Variants in TNFSF8 observed in about 807,000 individuals in gnomAD.
The protein encoded by TNFSF8 is TNF superfamily member 8.
A neutral mutation model predicts 22.0 loss-of-function variants in TNFSF8; 4 were observed. That is an observed-to-expected ratio of 0.18 (90% confidence interval 0.09 to 0.42). The LOEUF is 0.42. Ranked by LOEUF, TNFSF8 falls within the 10% of genes least tolerant of loss-of-function variation. TNFSF8 has a pLI of 1.00. For missense variants in TNFSF8, 233 were observed against 281.8 expected (o/e 0.83, Z 1.24); for synonymous variants, 106 against 112.5 (o/e 0.94, Z 0.37).
chr9:114,901,595 G>A lies in TNFSF8; in HGVS notation c.*2336C>T. On this transcript the variant is annotated 3_prime_UTR_variant, in exon 4 of 4. Coordinates refer to ENST00000223795, the MANE Select transcript of TNFSF8 (RefSeq NM_001244.4). ...AGAATGCATGAGTTGGTTTAAGCAAGATTCATTTGTCCTATGCAGTTAGTG... is the reference window on the plus strand; with the variant it reads ...AGAATGCATGAGTTGGTTTAAGCAAAATTCATTTGTCCTATGCAGTTAGTG... The A allele has an allele frequency of 1.0e-6, 1 of 985,324 alleles. No homozygotes were observed. The highest frequency in any genetic ancestry group is 1.2e-6 in the Non-Finnish European group (1 of 829,812). The allele number at this position is 985,324 out of a possible 1,614,324, so 61.0% of individuals were successfully genotyped here.
At chr9:114,894,357 A>G (rs1445247366) in intron 4 of TNFSF8, among the ~76,000 whole-genome samples, 1 of 145,412 alleles carries the variant, frequency 6.9e-6, no homozygotes, top group Non-Finnish European at 1.5e-5. Context: ...ATTTAGCGGA[A>G]TGGTTCTTGA....
intron 2 of TNFSF8, among the ~76,000 whole-genome samples, chr9:114,911,212 T>C (rs1827848437): frequency 6.6e-6 from 1 of 152,206 alleles, no homozygotes; most frequent in Non-Finnish European, 1.5e-5. Context: ...ATTAAGTACC[T>C]AAGTGTTTAA....
intron 2 of TNFSF8, among the ~76,000 whole-genome samples, chr9:114,910,798 G>C (rs886562583): frequency 6.6e-6 from 1 of 152,216 alleles, no homozygotes; most frequent in Non-Finnish European, 1.5e-5. Flanking sequence ...TATGTGGTTT[G>C]AGTGCCAGGT....
intron 3 of TNFSF8, 106 bp from the exon 4 acceptor site, chr9:114,904,431 T>C (rs1386483405): frequency 6.9e-7 from 1 of 1,446,216 alleles, no homozygotes; most frequent in East Asian, 2.3e-5. Context: ...CCATGTTTTC[T>C]GTAATGTTCC....
chr9:114,912,046 G>A (rs1306762237), intron 2 of TNFSF8, among the ~76,000 whole-genome samples: 1 of 152,164 alleles, frequency 6.6e-6, no homozygotes, highest in Non-Finnish European at 1.5e-5. Flanking sequence ...AGTTCGTTTT[G>A]GGTTCAAATC....
chr9:114,923,574 G>A (rs1032427827), intron 1 of TNFSF8, among the ~76,000 whole-genome samples: 8 of 140,214 alleles, frequency 5.7e-5, no homozygotes, highest in African/African-American at 2.2e-4. Context: ...CTGGAGTGCA[G>A]TGGTGCCATC....
chr9:114,905,366 G>A (rs747226630), intron 3 of TNFSF8, among the ~76,000 whole-genome samples: 1 of 152,196 alleles, frequency 6.6e-6, no homozygotes, highest in Non-Finnish European at 1.5e-5. Context: ...GTGCTGACAT[G>A]TTCATTAAGC....
chr9:114,929,504 C>T (rs1828108681), intron 1 of TNFSF8, among the ~76,000 whole-genome samples: 1 of 152,012 alleles, frequency 6.6e-6, no homozygotes. Flanking sequence ...CCTTCTAGAC[C>T]TTGGCCTCTG....
At chr9:114,918,731 G>A (rs764829323) in intron 1 of TNFSF8, among the ~76,000 whole-genome samples, 34 of 152,322 alleles carry the variant, frequency 2.2e-4, no homozygotes, top group Non-Finnish European at 1.2e-4. Flanking sequence ...CTCCAGAGTA[G>A]CTGGGACTAC....
intron 2 of TNFSF8, among the ~76,000 whole-genome samples, chr9:114,909,975 G>A (rs1403509879): frequency 1.3e-5 from 2 of 152,230 alleles, no homozygotes; most frequent in African/African-American, 4.8e-5. Context: ...AGGTCATCCA[G>A]AGAGTTAGTG....
intron 2 of TNFSF8, among the ~76,000 whole-genome samples, chr9:114,912,678 A>G (rs1827866982): frequency 1.3e-5 from 2 of 152,140 alleles, no homozygotes; most frequent in South Asian, 4.1e-4. Context: ...GACTGCTTCC[A>G]GTGTGGTGTT....
chr9:114,909,712 C>T lies in TNFSF8; in HGVS notation c.239-3813G>A, dbSNP rs577392063. Among the ~76,000 whole-genome samples, 23 of 152,310 alleles carry T rather than the reference C, an allele frequency of 1.5e-4. 1 individual carries two copies. In the South Asian group the frequency reaches 2.5e-3, roughly 16 times the overall value. On this transcript the variant is annotated intron_variant, in intron 2 of 3. Transcript: ENST00000223795. ...GATGGGGAGTCGGTCCCAGCTGCACCTGTCTATCTTTATGGGCATGTTGCA... is the reference window on the plus strand; with the variant it reads ...GATGGGGAGTCGGTCCCAGCTGCACTTGTCTATCTTTATGGGCATGTTGCA...
chr9:114,900,568 G>A (rs2131339293), downstream of TNFSF8, among the ~76,000 whole-genome samples: 1 of 152,244 alleles, frequency 6.6e-6, no homozygotes, highest in South Asian at 2.1e-4. Context: ...CCCCACATTT[G>A]GAGGTTTCCT....
At position 114,919,020 on chromosome 9, in the gene TNFSF8, G is replaced by GTT. The variant is rs11372040; in HGVS notation, c.196-884_196-883dup. Among the ~76,000 whole-genome samples the GTT allele has an allele frequency of 2.8e-3, 400 of 144,208 alleles. 3 individuals carry two copies. Among genetic ancestry groups the GTT allele is most frequent in the African/African-American group, 9.3e-3 (369 of 39,496 alleles). The allele number at this position is 144,208 out of a possible 152,430, so 94.6% of individuals were successfully genotyped here. On this transcript the variant is annotated intron_variant, in intron 1 of 3. Coordinates refer to ENST00000223795, the MANE Select transcript of TNFSF8 (RefSeq NM_001244.4). ...TCAAGTATATCATAAAAGTAGATGTGTTTTTTTTTTTTCCATGTTTGATTC... is the reference window on the plus strand; with the variant it reads ...TCAAGTATATCATAAAAGTAGATGTGTTTTTTTTTTTTTTCCATGTTTGATTC...
intron 2 of TNFSF8, among the ~76,000 whole-genome samples, chr9:114,916,734 A>G (rs919162350): frequency 4.6e-5 from 7 of 152,222 alleles, no homozygotes; most frequent in African/African-American, 1.4e-4. Context: ...ATGGAAATGC[A>G]ACCGTGGTTA....
chr9:114,906,656 C>T (rs916749766), intron 2 of TNFSF8, among the ~76,000 whole-genome samples: 1 of 152,124 alleles, frequency 6.6e-6, no homozygotes, highest in Admixed American at 6.6e-5. Context: ...AACAGAAGTC[C>T]TGCTATTTGG....
chr9:114,915,791 G>A (rs905133855), intron 2 of TNFSF8, among the ~76,000 whole-genome samples: 6 of 152,178 alleles, frequency 3.9e-5, no homozygotes, highest in African/African-American at 1.4e-4. Context: ...TATTGAGTTG[G>A]TGCAAAAGTA....
Position 114,904,109 on chromosome 9 carries a change from A to G in TNFSF8, c.527T>C (p.Val176Ala), listed in dbSNP as rs1272898648. The change falls in exon 4 of 4, where the codon GTG (valine) becomes GCG (alanine). Residue 176 changes from valine to alanine, a missense_variant. By Grantham distance (64) the Val-to-Ala change is moderately conservative (BLOSUM62 0). Transcript: ENST00000223795. ...TTTCGTTTGCATTCCAGACTCACACACTGTCACCAGGGCCTGTTTTTTGAT... is the reference window on the plus strand; with the variant it reads ...TTTCGTTTGCATTCCAGACTCACACGCTGTCACCAGGGCCTGTTTTTTGAT... ...KHIKKQALVT[V>A]CESGMQTKHV... 1.2e-6 allele frequency: 2 copies of G among 1,614,134 alleles called. No individual in the cohort carries two copies. The highest frequency in any genetic ancestry group is 1.7e-5 in the Admixed American group (1 of 60,014).
intron 1 of TNFSF8, among the ~76,000 whole-genome samples, chr9:114,920,703 C>G (rs1290442259): frequency 6.6e-6 from 1 of 152,136 alleles, no homozygotes; most frequent in Non-Finnish European, 1.5e-5. Flanking sequence ...GAGCCTCACT[C>G]TGTCACCCAG....
Sources: allele counts gnomAD v4.1 joint callset (sites outside exome capture counted in the v4.1 genomes callset), GRCh38; gene constraint gnomAD v4.1.1; transcripts MANE v1.5; gene names NCBI Gene and HGNC (gene_info 2026-07-23, HGNC 2026-07-21).